KLRG2: variants seen among roughly 807,000 people sequenced by gnomAD.
KLRG2 encodes killer cell lectin like receptor G2, also known as killer cell lectin-like receptor subfamily G member 2.
A neutral mutation model predicts 35.4 loss-of-function variants in KLRG2; 39 were observed. That is an observed-to-expected ratio of 1.10 (90% CI 0.85 to 1.44). The LOEUF is 1.44. KLRG2 is among the 40% of genes most tolerant of loss of function. KLRG2 has a pLI of 0.00. For missense variants in KLRG2, 632 were observed against 570.9 expected, an observed-to-expected ratio of 1.11 and a Z score of -1.09; for synonymous variants, 283 against 265.8, an observed-to-expected ratio of 1.06 and a Z score of -0.63.
the KLRG2 span, among the ~76,000 whole-genome samples, chr7:139,438,945 C>T: frequency 2.9e-5 from 4 of 137,778 alleles, no homozygotes; most frequent in East Asian, 2.6e-4. Context: ...CGCCCCGCCT[C>T]GGCCTCCCAA....
downstream of KLRG2, among the ~76,000 whole-genome samples, chr7:139,452,469 G>A (rs1256953134): frequency 3.9e-5 from 6 of 152,166 alleles, no homozygotes; most frequent in South Asian, 8.3e-4. Context: ...GAAAAATACA[G>A]TGTGAGAAAT....
In KLRG2 at chr7:139,480,214, G is replaced by A. The variant is rs774424639; in HGVS notation, c.791C>T (p.Ala264Val). The A allele has an allele frequency of 1.2e-6, 2 of 1,613,224 alleles. No homozygotes were observed. Among genetic ancestry groups the A allele is most frequent in the South Asian group, 2.2e-5 (2 of 91,056 alleles). Residue 264 changes from alanine (A) to valine (V), a missense_variant, in exon 2 of 5, where the codon GCC becomes GTC. Ala to Val is a moderately conservative substitution (Grantham distance 64). Coordinates refer to ENST00000340940, the MANE Select transcript of KLRG2 (RefSeq NM_198508.4). ...LPMYVKSLYW[A>V]LAFMAVLLAV... Reference sequence around the variant, plus strand: ...CAGGAGCACAGCCATGAACGCCAGGGCCCAGTACAGGGACTTCACGTACAT... The same window carrying A: ...CAGGAGCACAGCCATGAACGCCAGGACCCAGTACAGGGACTTCACGTACAT...
chr7:139,448,153 G>A (rs1359798017), downstream of KLRG2, among the ~76,000 whole-genome samples: 14 of 151,796 alleles, frequency 9.2e-5, no homozygotes, highest in Admixed American at 4.6e-4. Context: ...GGGCCACCAC[G>A]CCCAGCTTAT....
chr7:139,482,054 G>A (rs780922054), intron 1 of KLRG2, among the ~76,000 whole-genome samples: 7 of 152,106 alleles, frequency 4.6e-5, no homozygotes, highest in Non-Finnish European at 5.9e-5. Context: ...TCTTTCTTCT[G>A]TGTCAAGCTC....
downstream of KLRG2, among the ~76,000 whole-genome samples, chr7:139,449,752 T>A (rs1033359118): frequency 1.4e-4 from 20 of 143,602 alleles, no homozygotes; most frequent in Non-Finnish European, 2.5e-4. Context: ...CAGGCTGGAG[T>A]GCAGTGGCAC....
intron 3 of KLRG2, among the ~76,000 whole-genome samples, chr7:139,469,078 T>G (rs141659292): frequency 6.6e-6 from 1 of 152,230 alleles, no homozygotes; most frequent in Non-Finnish European, 1.5e-5. Flanking sequence ...CCTTCAGGAC[T>G]GTGAGAAAGT....
At chr7:139,462,490 T>A (rs530413932) in intron 3 of KLRG2, among the ~76,000 whole-genome samples, 9 of 152,268 alleles carry the variant, frequency 5.9e-5, no homozygotes, top group Admixed American at 3.3e-4. Context: ...TGGACTTGCC[T>A]CCTTCACTAT....
the KLRG2 span, among the ~76,000 whole-genome samples, chr7:139,431,372 T>C: frequency 6.6e-6 from 1 of 152,190 alleles, no homozygotes; most frequent in Admixed American, 6.5e-5. Flanking sequence ...TTAAAATAGA[T>C]ACACTTTCTT....
intron 3 of KLRG2, among the ~76,000 whole-genome samples, chr7:139,470,782 G>A (rs1028626604): frequency 2.0e-5 from 3 of 151,254 alleles, no homozygotes; most frequent in African/African-American, 7.3e-5. Flanking sequence ...ACAGAGACCT[G>A]TCTCTAAAAA....
At chr7:139,439,166 G>GA in the KLRG2 span, among the ~76,000 whole-genome samples, 1 of 152,136 alleles carries the variant, frequency 6.6e-6, no homozygotes, top group African/African-American at 2.4e-5. Flanking sequence ...CTATCAACTG[G>GA]TGAATGGATA....
chr7:139,438,991 G>T, the KLRG2 span, among the ~76,000 whole-genome samples: 2 of 128,170 alleles, frequency 1.6e-5, no homozygotes, highest in Admixed American at 9.9e-5. Flanking sequence ...ACCATGCCCC[G>T]CGTGGCAATT....
At position 139,483,076 on chromosome 7, in the gene KLRG2, A is replaced by T; in HGVS notation, c.567T>A (p.Ala189=). The T allele has an allele frequency of 7.1e-7, 1 of 1,417,258 alleles. No individual in the cohort carries two copies. The highest frequency in any genetic ancestry group is 9.1e-7 in the Non-Finnish European group (1 of 1,096,218). 87.8% of individuals were successfully genotyped at this position (1,417,258 alleles called of 1,614,324 possible). ...GGTWGRRSPL[A]AARTESGCDA... is the part of the protein sequence containing the mutation. ...CGCAGCCGCTCTCCGTCCGGGCTGC[A>T]GCCAGCGGCGAGCGGCGGCCCCACG... The change falls in exon 1 of 5, where the codon GCT becomes GCA. Residue 189 remains alanine, a synonymous_variant. Coordinates refer to ENST00000340940, the MANE Select transcript of KLRG2 (RefSeq NM_198508.4).
chr7:139,458,702 C>T lies in KLRG2; in HGVS notation c.1006-4488G>A, dbSNP rs149578381. ...GGTTTAATCTTTTTGAAATTAGCAT[C>T]GGGCTCGAGTTCAGTGTGTGCTGTT... is the stretch of plus-strand genomic sequence containing the variant. On this transcript the variant is annotated intron_variant, in intron 3 of 4. Coordinates refer to ENST00000340940, the MANE Select transcript of KLRG2 (RefSeq NM_198508.4). Among the ~76,000 whole-genome samples, 302 of 152,328 alleles carry T rather than the reference C, an allele frequency of 2.0e-3. 10 individuals are homozygous for T. In the East Asian group the frequency reaches 0.054, roughly 27 times the overall value.
At chr7:139,441,574 C>G in the KLRG2 span, among the ~76,000 whole-genome samples, 1 of 151,962 alleles carries the variant, frequency 6.6e-6, no homozygotes, top group Non-Finnish European at 1.5e-5. Flanking sequence ...ATGTAACAAA[C>G]CTGCACATTG....
At chr7:139,465,610 T>A (rs1224784884) in intron 3 of KLRG2, among the ~76,000 whole-genome samples, 3 of 149,062 alleles carry the variant, frequency 2.0e-5, no homozygotes, top group African/African-American at 7.5e-5. Flanking sequence ...GAGAATGGCG[T>A]GAACCTGGGA....
intron 3 of KLRG2, among the ~76,000 whole-genome samples, chr7:139,455,445 C>T (rs1222787282): frequency 6.6e-6 from 1 of 151,854 alleles, no homozygotes; most frequent in Non-Finnish European, 1.5e-5. Context: ...CCTCAGCCTC[C>T]CGAGTAGCTG....
chr7:139,474,370 G>A (rs1209591050), intron 3 of KLRG2, among the ~76,000 whole-genome samples: 4 of 152,106 alleles, frequency 2.6e-5, no homozygotes, highest in South Asian at 4.1e-4. Context: ...TGACAGTCAC[G>A]GAGAATTCTG....
chr7:139,462,686 C>G (rs1028433615), intron 3 of KLRG2, among the ~76,000 whole-genome samples: 1 of 152,198 alleles, frequency 6.6e-6, no homozygotes, highest in Non-Finnish European at 1.5e-5. Flanking sequence ...TTCGATTTCT[C>G]CATCCTACAA....
In KLRG2 at chr7:139,453,392, G is replaced by T; in HGVS notation, c.*195C>A. 5.1e-6 allele frequency: 3 copies of T among 591,000 alleles called. No homozygotes were observed. The highest frequency in any genetic ancestry group is 4.5e-5 in the South Asian group (2 of 44,296). 36.6% of individuals were successfully genotyped at this position (591,000 alleles called of 1,614,324 possible). A position where few individuals can be genotyped will look rare whatever the true frequency, so the allele number is the denominator to read the frequency against. ...ATTGGCACTCAGGCCTGAGGCCATAGAAAATCTCCTTTCCCTCGGATGCAT... is the reference window on the plus strand; with the variant it reads ...ATTGGCACTCAGGCCTGAGGCCATATAAAATCTCCTTTCCCTCGGATGCAT... On this transcript the variant is annotated 3_prime_UTR_variant, in exon 5 of 5. Coordinates refer to ENST00000340940, the MANE Select transcript of KLRG2 (RefSeq NM_198508.4).
Sources: gnomAD v4.1 joint callset for allele counts (sites outside exome capture counted in the v4.1 genomes callset) on GRCh38, gnomAD v4.1.1 for gene constraint, MANE v1.5 for transcripts, NCBI Gene and HGNC (gene_info 2026-07-23, HGNC 2026-07-21) for gene names.